Variants in MPPED1 observed in about 807,000 individuals in gnomAD.
MPPED1 encodes metallophosphoesterase domain containing 1, also known as metallophosphoesterase domain-containing protein 1.
MPPED1 carries 16 observed loss-of-function variants against 36.2 expected under a neutral mutation model. The ratio of observed to expected loss-of-function variants is 0.44; its 90% confidence interval spans 0.30 to 0.67. The LOEUF is 0.67. MPPED1 is among the 30% of genes least tolerant of loss of function. MPPED1 has a pLI of 0.10. For synonymous variants in MPPED1, 199 were observed against 191.3 expected (o/e 1.04, Z -0.33); for missense variants, 307 against 453.4 (o/e 0.68, Z 2.93).
chr22:43,413,995 T>G (rs752550135), intron 1 of MPPED1, among the ~76,000 whole-genome samples: 9 of 152,216 alleles, frequency 5.9e-5, no homozygotes, highest in Non-Finnish European at 1.3e-4. Flanking sequence ...GTACCTCTGA[T>G]GTAACCACCC....
chr22:43,452,923 G>T (rs907506943), intron 3 of MPPED1, among the ~76,000 whole-genome samples: 1 of 150,672 alleles, frequency 6.6e-6, no homozygotes, highest in African/African-American at 2.4e-5. Context: ...ACCACACCTA[G>T]CCAGAAATAT....
intron 5 of MPPED1, among the ~76,000 whole-genome samples, chr22:43,500,278 C>CAGTGGTGATGGTGGT (rs1932661612): frequency 5.0e-5 from 1 of 19,866 alleles, no homozygotes; most frequent in African/African-American, 7.0e-4. Context: ...ATGGAGGTGG[C>CAGTGGTGATGGTGGT]GGTGGTGATG....
rs1188540375 is a variant in MPPED1 at position 43,502,497 on chromosome 22, C to T, written c.749-147C>T. 3.5e-5 allele frequency: 22 copies of T among 632,612 alleles called. No homozygotes were observed. The highest frequency in any genetic ancestry group is 4.2e-4 in the Middle Eastern group (1 of 2,372). 39.2% of individuals were successfully genotyped at this position (632,612 alleles called of 1,614,324 possible). On this transcript the variant is annotated intron_variant, in intron 5 of 6. Coordinates refer to ENST00000443721, the MANE Select transcript of MPPED1 (RefSeq NM_001044370.2). The surrounding 1 kb of genome is among the most constrained non-coding windows in gnomAD (Gnocchi z 5.5). Reference sequence around the variant, plus strand: ...TGAAGCCTGAGGCAGGGCAGGGTTCCGGAGAGCTTGCTAGGGGAGAGTGGT... The same window carrying T: ...TGAAGCCTGAGGCAGGGCAGGGTTCTGGAGAGCTTGCTAGGGGAGAGTGGT...
chr22:43,501,575 C>G (rs1024887336), intron 5 of MPPED1, among the ~76,000 whole-genome samples: 2 of 152,196 alleles, frequency 1.3e-5, no homozygotes, highest in East Asian at 1.9e-4. Context: ...GCCAGGGTGC[C>G]GAGGTGCTGG....
intron 1 of MPPED1, among the ~76,000 whole-genome samples, chr22:43,414,212 T>A (rs1929001393): frequency 6.6e-6 from 1 of 152,230 alleles, no homozygotes; most frequent in African/African-American, 2.4e-5. Flanking sequence ...AGCTCACCCA[T>A]GAGACTCTTA....
chr22:43,437,346 A>G (rs1929996768), intron 3 of MPPED1, among the ~76,000 whole-genome samples: 1 of 152,344 alleles, frequency 6.6e-6, no homozygotes, highest in East Asian at 1.9e-4. Context: ...CGCATGTATT[A>G]GTAACTCATT....
chr22:43,463,819 C>CTTTTTTTCTTTCTTTCTT (rs1480549521), intron 3 of MPPED1, among the ~76,000 whole-genome samples: 854 of 83,510 alleles, frequency 0.01, 31 homozygotes, highest in African/African-American at 0.032. Context: ...TTCTTTCTTT[C>CTTTTTTTCTTTCTTTCTT]TTTCTTTCTT....
intron 3 of MPPED1, 51 bp downstream of exon 3, chr22:43,435,266 T>C: frequency 1.3e-6 from 2 of 1,531,478 alleles, no homozygotes; most frequent in Middle Eastern, 1.7e-4. Context: ...GGAAGGGGGC[T>C]CCCGCCAGCT....
At chr22:43,500,996 A>C (rs546174846) in intron 5 of MPPED1, among the ~76,000 whole-genome samples, 12 of 152,216 alleles carry the variant, frequency 7.9e-5, no homozygotes, top group African/African-American at 2.9e-4. Flanking sequence ...TCACTGGCTC[A>C]CACACCAGTT....
chr22:43,412,152 G>A lies in MPPED1; in HGVS notation c.-85G>A. 2.0e-6 allele frequency: 2 copies of A among 980,104 alleles called. No homozygotes were observed. The highest frequency in any genetic ancestry group is 2.4e-6 in the Non-Finnish European group (2 of 827,688). 60.7% of individuals were successfully genotyped at this position (980,104 alleles called of 1,614,324 possible). A position where few individuals can be genotyped will look rare whatever the true frequency, so the allele number is the denominator to read the frequency against. ...GCCGCGGCCGCCGAAGAGGAGCCCG[G>A]GGCCAGGTAGGACCGGAGGCGGGCG... is the stretch of plus-strand genomic sequence containing the variant. On this transcript the variant is annotated 5_prime_UTR_variant, in exon 1 of 7. Transcript: ENST00000443721.
intron 1 of MPPED1, chr22:43,418,003 C>G (rs1184496526): frequency 4.4e-6 from 2 of 455,306 alleles, no homozygotes. Flanking sequence ...ATAAGACAGT[C>G]GTTTCTGTGT....
chr22:43,480,727 T>C (rs1931722139), intron 4 of MPPED1, among the ~76,000 whole-genome samples: 1 of 152,198 alleles, frequency 6.6e-6, no homozygotes, highest in Non-Finnish European at 1.5e-5. Flanking sequence ...TAGTCAAATA[T>C]CTTCGTGTTT....
chr22:43,412,034 G>A lies in MPPED1; in HGVS notation c.-203G>A, dbSNP rs998353264. On this transcript the variant is annotated 5_prime_UTR_variant, in exon 1 of 7. Coordinates refer to ENST00000443721, the MANE Select transcript of MPPED1 (RefSeq NM_001044370.2). ...CTCCCACTTGCAGCCTCGGACGCGC[G>A]GCGAGGCGGCCGCCGCCGGAGGAGC... The A allele has an allele frequency of 3.1e-6, 3 of 979,276 alleles. No individual in the cohort carries two copies. The highest frequency in any genetic ancestry group is 1.8e-5 in the African/African-American group (1 of 56,508). The allele number at this position is 979,276 out of a possible 1,614,324, so 60.7% of individuals were successfully genotyped here.
intron 2 of MPPED1, among the ~76,000 whole-genome samples, chr22:43,434,446 C>T (rs1202052965): frequency 6.6e-6 from 1 of 152,188 alleles, no homozygotes; most frequent in Admixed American, 6.5e-5. Context: ...CCTCATCGCC[C>T]GACCACAGGC....
intron 1 of MPPED1, among the ~76,000 whole-genome samples, chr22:43,413,092 C>T (rs1344353726): frequency 2.6e-5 from 4 of 152,246 alleles, no homozygotes; most frequent in Admixed American, 6.5e-5. Flanking sequence ...TGGGATGTCT[C>T]TTCCCCAGTG....
intron 2 of MPPED1, among the ~76,000 whole-genome samples, chr22:43,426,013 G>A (rs1929455939): frequency 6.6e-6 from 1 of 152,170 alleles, no homozygotes; most frequent in Non-Finnish European, 1.5e-5. Context: ...CGAGCTCCTG[G>A]CCCTGCTCTG....
chr22:43,491,364 T>A (rs1438546825), intron 4 of MPPED1, among the ~76,000 whole-genome samples: 1 of 151,606 alleles, frequency 6.6e-6, no homozygotes, highest in Admixed American at 6.6e-5. Flanking sequence ...GATGTTGATG[T>A]TGATAATGGT....
Position 43,424,218 on chromosome 22 carries a change from C to T in MPPED1, c.-78-690C>T, listed in dbSNP as rs971878414. On this transcript the variant is annotated intron_variant, in intron 1 of 6. Transcript: ENST00000443721. ...TACGAGAGAGATGGTAGTGAGGCATCGGAGGAGGTTTTTGCAAAAGGTTCC... is the reference window on the plus strand; with the variant it reads ...TACGAGAGAGATGGTAGTGAGGCATTGGAGGAGGTTTTTGCAAAAGGTTCC... Among the ~76,000 whole-genome samples, 3 of 152,278 alleles carry T rather than the reference C, an allele frequency of 2.0e-5. No individual in the cohort carries two copies. In the East Asian group the frequency reaches 5.8e-4, roughly 29 times the overall value.
chr22:43,446,503 T>C (rs1322703262), intron 3 of MPPED1, among the ~76,000 whole-genome samples: 1 of 152,112 alleles, frequency 6.6e-6, no homozygotes, highest in Admixed American at 6.5e-5. Flanking sequence ...GCCGTGCCCA[T>C]GTCTGGGCAG....
Sources: gnomAD v4.1 joint callset for allele counts (sites outside exome capture counted in the v4.1 genomes callset) on GRCh38, gnomAD v4.1.1 for gene constraint, Gnocchi (gnomAD v3.1) non-coding constraint, MANE v1.5 for transcripts, NCBI Gene and HGNC (gene_info 2026-07-23, HGNC 2026-07-21) for gene names.